UMAD1: variants seen among roughly 807,000 people sequenced by gnomAD.
The protein encoded by UMAD1 is UBAP1-MVB12-associated (UMA)-domain containing protein 1.
UMAD1 carries 8 observed loss-of-function variants against 6.1 expected under a neutral mutation model. The ratio of observed to expected loss-of-function variants is 1.30; its 90% CI spans 0.76 to 2.35. The LOEUF is 2.35. UMAD1 is among the 30% of genes most tolerant of loss of function. The pLI is 0.00. For missense variants in UMAD1, 130 were observed against 78.4 expected (o/e 1.66, Z -2.49); for synonymous variants, 56 against 31.4 (o/e 1.78, Z -2.61).
At chr7:7,780,445 T>C (rs996452352) in intron 2 of UMAD1, among the ~76,000 whole-genome samples, 6 of 152,260 alleles carry the variant, frequency 3.9e-5, no homozygotes, top group African/African-American at 1.4e-4. Flanking sequence ...CCTACTTTAA[T>C]ATTAGGGACT....
At chr7:7,840,190 G>T (rs73343507) in intron 3 of UMAD1, among the ~76,000 whole-genome samples, 2,841 of 152,204 alleles carry the variant, frequency 0.019, 95 homozygotes, top group African/African-American at 0.064. Flanking sequence ...GGGTTCTGGG[G>T]TTAGTGTAGT....
chr7:7,703,268 A>G (rs1277034733), intron 2 of UMAD1, among the ~76,000 whole-genome samples: 1 of 152,196 alleles, frequency 6.6e-6, no homozygotes, highest in African/African-American at 2.4e-5. Flanking sequence ...TAATAAAAAT[A>G]ATGTAGTTTC....
intron 2 of UMAD1, among the ~76,000 whole-genome samples, chr7:7,737,485 T>A (rs1781383839): frequency 6.6e-6 from 1 of 152,216 alleles, no homozygotes; most frequent in African/African-American, 2.4e-5. Context: ...CAAGAACACA[T>A]AACATTTAGT....
At chr7:7,776,707 A>G (rs1782215125) in intron 2 of UMAD1, among the ~76,000 whole-genome samples, 1 of 152,240 alleles carries the variant, frequency 6.6e-6, no homozygotes, top group South Asian at 2.1e-4. Context: ...AGAGATGATT[A>G]CAATTTAACA....
intron 1 of UMAD1, among the ~76,000 whole-genome samples, chr7:7,645,089 CTGAT>C (rs1217347428): frequency 1.3e-5 from 2 of 151,910 alleles, no homozygotes; most frequent in Non-Finnish European, 2.9e-5. Flanking sequence ...AAGATTTTAA[CTGAT>C]TGTTTTGGTA....
rs1288195469 is a variant in UMAD1, at chr7:7,800,502, CT to C, written c.83-1165del. Among the ~76,000 whole-genome samples, 3 of 150,064 alleles carry C rather than the reference CT, an allele frequency of 2.0e-5. No homozygotes were observed. The East Asian group carries it at 5.9e-4, about 29-fold the overall frequency. The stretch of plus-strand genomic sequence containing the variant: ...ATGGTGTTTGGTACATGAGTAAGTT[CT>C]TTAGTGGTGATTTCTGAGATTTTGG... On this transcript the variant is annotated intron_variant, in intron 2 of 3. Transcript: ENST00000682710.
At position 7,835,500 on chromosome 7, in the gene UMAD1, T is replaced by A. The variant is rs569466358; in HGVS notation, c.156+33757T>A. Among the ~76,000 whole-genome samples, 346 of 102,458 alleles carry A rather than the reference T, an allele frequency of 3.4e-3. 2 individuals are homozygous for A. Among genetic ancestry groups the A allele is most frequent in the South Asian group, 5.5e-3 (17 of 3,072 alleles). 67.2% of individuals were successfully genotyped at this position (102,458 alleles called of 152,430 possible). A position where few individuals can be genotyped will look rare whatever the true frequency, so the allele number is the denominator to read the frequency against. ...TTTTTTTTTTTTTTTTTTTTTTTTT[T>A]AGCTCTTAGCAATATATAGAAGTGA... On this transcript the variant is annotated intron_variant, in intron 3 of 3. Coordinates refer to ENST00000682710, the MANE Select transcript of UMAD1 (RefSeq NM_001302348.2).
chr7:7,783,924 G>A (rs1017018958), intron 2 of UMAD1, among the ~76,000 whole-genome samples: 1 of 152,030 alleles, frequency 6.6e-6, no homozygotes, highest in African/African-American at 2.4e-5. Flanking sequence ...TTCACCAAAA[G>A]GAGATGAAAT....
chr7:7,658,445 G>A (rs1406252681), intron 1 of UMAD1, among the ~76,000 whole-genome samples: 2 of 152,166 alleles, frequency 1.3e-5, no homozygotes, highest in African/African-American at 4.8e-5. Context: ...TTGGCTGTGG[G>A]TTTGTCATAA....
rs959228492 is a variant in UMAD1, at chr7:7,830,283, G to A, written c.156+28540G>A. Among the ~76,000 whole-genome samples the A allele has an allele frequency of 6.6e-6, 1 of 152,082 alleles. No homozygotes were observed. The highest frequency in any genetic ancestry group is 1.5e-5 in the Non-Finnish European group (1 of 68,024). Reference sequence around the variant, plus strand: ...TCTCTGTCTGCTTGCTAAAGATTGAGTGTGGAATACCTTTTTTGTAGCAGC... The same window carrying A: ...TCTCTGTCTGCTTGCTAAAGATTGAATGTGGAATACCTTTTTTGTAGCAGC... On this transcript the variant is annotated intron_variant, in intron 3 of 3. Coordinates refer to ENST00000682710, the MANE Select transcript of UMAD1 (RefSeq NM_001302348.2). The surrounding 1 kb of genome is among the most constrained non-coding windows in gnomAD (Gnocchi z 5.3).
chr7:7,788,995 T>A (rs1247284723), intron 2 of UMAD1, among the ~76,000 whole-genome samples: 1 of 152,262 alleles, frequency 6.6e-6, no homozygotes, highest in Non-Finnish European at 1.5e-5. Flanking sequence ...ATTTCTATTT[T>A]TGTAACTAGC....
chr7:7,653,295 A>G (rs1040121058), intron 1 of UMAD1, among the ~76,000 whole-genome samples: 1 of 152,236 alleles, frequency 6.6e-6, no homozygotes, highest in African/African-American at 2.4e-5. Flanking sequence ...GTGTCACTGT[A>G]TCATTAATTT....
At chr7:7,651,415 C>G (rs1785221025) in intron 1 of UMAD1, among the ~76,000 whole-genome samples, 1 of 152,154 alleles carries the variant, frequency 6.6e-6, no homozygotes, top group Non-Finnish European at 1.5e-5. Flanking sequence ...AACAGGAATG[C>G]CTGTTCCCAT....
chr7:7,839,266 C>T (rs1783629826), intron 3 of UMAD1, among the ~76,000 whole-genome samples: 1 of 152,136 alleles, frequency 6.6e-6, no homozygotes. Flanking sequence ...TTCTGGAAGG[C>T]AGGTGCATAA....
chr7:7,779,149 C>G (rs1390620765), intron 2 of UMAD1, among the ~76,000 whole-genome samples: 7 of 152,272 alleles, frequency 4.6e-5, no homozygotes, highest in Admixed American at 4.6e-4. Context: ...TCTTTATTTT[C>G]CTCTGAAGTA....
chr7:7,733,247 A>T (rs895939866), intron 2 of UMAD1, among the ~76,000 whole-genome samples: 1 of 152,190 alleles, frequency 6.6e-6, no homozygotes, highest in African/African-American at 2.4e-5. Flanking sequence ...TCAGAAAGAC[A>T]TCAGTGGTCT....
At chr7:7,869,056 A>G (rs1784287685) in intron 3 of UMAD1, among the ~76,000 whole-genome samples, 1 of 152,226 alleles carries the variant, frequency 6.6e-6, no homozygotes, top group African/African-American at 2.4e-5. Context: ...GGAATTACAT[A>G]GGTGCAGGAC....
chr7:7,851,123 T>C (rs574491885), intron 3 of UMAD1, among the ~76,000 whole-genome samples: 52 of 152,308 alleles, frequency 3.4e-4, no homozygotes, highest in African/African-American at 1.2e-3. Flanking sequence ...ATTTACCTAT[T>C]CTGACTGGTT....
At chr7:7,742,777 T>C (rs1267023051) in intron 2 of UMAD1, among the ~76,000 whole-genome samples, 1 of 152,236 alleles carries the variant, frequency 6.6e-6, no homozygotes, top group Non-Finnish European at 1.5e-5. Context: ...ATTTTAATTT[T>C]TCCAGTTTCT....
Sources: gnomAD v4.1 joint callset for allele counts (sites outside exome capture counted in the v4.1 genomes callset) on GRCh38, gnomAD v4.1.1 for gene constraint, Gnocchi (gnomAD v3.1) non-coding constraint, MANE v1.5 for transcripts, NCBI Gene and HGNC (gene_info 2026-07-23, HGNC 2026-07-21) for gene names.